The following CTNNA3 variants were observed in gnomAD, a reference collection of about 807,000 sequenced individuals.
CTNNA3 encodes the protein catenin alpha 3.
A neutral mutation model predicts 95.7 loss-of-function variants in CTNNA3; 76 were observed. The ratio of observed to expected loss-of-function variants is 0.79; its 90% CI spans 0.66 to 0.96. The LOEUF (loss-of-function observed/expected upper bound fraction) is 0.96. Among genes scored for constraint, CTNNA3 ranks in the 40% least tolerant of loss-of-function variants. The probability of loss-of-function intolerance (pLI) is 0.00; values close to 1 mark genes in which losing one functional copy is unlikely to be tolerated. For missense variants in CTNNA3, 1,191 were observed against 1,089.8 expected, an observed-to-expected ratio of 1.09 and a Z score of -1.31; for synonymous variants, 431 against 374.4, an observed-to-expected ratio of 1.15 and a Z score of -1.74.
intron 13 of CTNNA3, among the ~76,000 whole-genome samples, chr10:66,266,042 AGAGG>A (rs1197349483): frequency 2.3e-5 from 3 of 127,694 alleles, no homozygotes; most frequent in African/African-American, 4.6e-5. Flanking sequence ...AAGGAGGGAG[AGAGG>A]GAGGGAGGGA....
chr10:67,024,076 T>G (rs932312461), intron 7 of CTNNA3, among the ~76,000 whole-genome samples: 1 of 152,194 alleles, frequency 6.6e-6, no homozygotes, highest in African/African-American at 2.4e-5. Context: ...AAGTCCAAAA[T>G]CAGCCTCACT....
intron 15 of CTNNA3, among the ~76,000 whole-genome samples, chr10:66,003,918 C>T (rs1158852778): frequency 1.3e-5 from 2 of 152,214 alleles, no homozygotes; most frequent in South Asian, 2.1e-4. Flanking sequence ...CATGGACATG[C>T]CCATAATTGC....
chr10:66,709,705 T>C (rs1412606149), intron 9 of CTNNA3, among the ~76,000 whole-genome samples: 1 of 152,144 alleles, frequency 6.6e-6, no homozygotes, highest in Non-Finnish European at 1.5e-5. Flanking sequence ...TCAACTAGTA[T>C]ATTTGTTCTT....
intron 10 of CTNNA3, among the ~76,000 whole-genome samples, chr10:66,526,465 G>A (rs761324068): frequency 6.6e-6 from 1 of 152,178 alleles, no homozygotes; most frequent in African/African-American, 2.4e-5. Flanking sequence ...GGGATTCCAG[G>A]CGTGAGCCAC....
chr10:66,597,543 TA>T (rs1564558006), intron 10 of CTNNA3, among the ~76,000 whole-genome samples: 29 of 130,230 alleles, frequency 2.2e-4, no homozygotes, highest in East Asian at 2.0e-3. Context: ...TATATATATA[TA>T]TATATATATA....
chr10:66,065,713 T>C (rs948897912), intron 15 of CTNNA3, among the ~76,000 whole-genome samples: 1 of 152,120 alleles, frequency 6.6e-6, no homozygotes, highest in African/African-American at 2.4e-5. Context: ...AAAGCTTCTG[T>C]TCCTCATGGC....
At chr10:67,439,110 T>G (rs1240731438) in intron 5 of CTNNA3, among the ~76,000 whole-genome samples, 2 of 152,054 alleles carry the variant, frequency 1.3e-5, no homozygotes, top group East Asian at 1.9e-4. Flanking sequence ...CAGGCAGCCC[T>G]GCTCGCAGAA....
At chr10:67,394,278 G>A (rs1009977085) in intron 5 of CTNNA3, among the ~76,000 whole-genome samples, 5 of 150,848 alleles carry the variant, frequency 3.3e-5, no homozygotes, top group African/African-American at 1.2e-4. Context: ...CAATAATGGA[G>A]CATGAATAGA....
intron 12 of CTNNA3, among the ~76,000 whole-genome samples, chr10:66,312,518 A>G (rs1460756754): frequency 6.6e-6 from 1 of 151,184 alleles, no homozygotes; most frequent in African/African-American, 2.4e-5. Flanking sequence ...AGAGGGTTAT[A>G]AACCTTAGAA....
intron 7 of CTNNA3, among the ~76,000 whole-genome samples, chr10:66,850,225 T>C (rs1017456732): frequency 1.3e-5 from 2 of 152,140 alleles, no homozygotes; most frequent in Admixed American, 6.6e-5. Context: ...TTCCCTGTTG[T>C]TTTAAATCTT....
chr10:67,608,786 A>G (rs948616333), intron 2 of CTNNA3, among the ~76,000 whole-genome samples: 6 of 152,136 alleles, frequency 3.9e-5, no homozygotes, highest in African/African-American at 1.2e-4. Flanking sequence ...ACTGAATTAC[A>G]TTATTAAAAA....
intron 12 of CTNNA3, among the ~76,000 whole-genome samples, chr10:66,367,433 A>G (rs2092717798): frequency 6.6e-6 from 1 of 151,288 alleles, no homozygotes; most frequent in African/African-American, 2.4e-5. Flanking sequence ...TGTTATATAT[A>G]TAATACATAC....
At chr10:67,752,986 G>A (rs1475070162) in intron 1 of CTNNA3, among the ~76,000 whole-genome samples, 1 of 151,992 alleles carries the variant, frequency 6.6e-6, no homozygotes. Context: ...AAATTCTTAT[G>A]GAACCAAAAA....
chr10:66,214,494 G>A (rs900707696), intron 13 of CTNNA3, among the ~76,000 whole-genome samples: 1 of 152,072 alleles, frequency 6.6e-6, no homozygotes, highest in Non-Finnish European at 1.5e-5. Context: ...TAGGCTGCCT[G>A]GACAATTCAA....
chr10:66,572,879 A>G, intron 10 of CTNNA3, among the ~76,000 whole-genome samples: 1 of 152,158 alleles, frequency 6.6e-6, no homozygotes, highest in South Asian at 2.1e-4. Context: ...TGCAAATATC[A>G]GTCTTGCAAA....
chr10:66,104,436 A>G (rs368963818), intron 13 of CTNNA3, among the ~76,000 whole-genome samples: 3 of 152,296 alleles, frequency 2.0e-5, no homozygotes, highest in African/African-American at 7.2e-5. Flanking sequence ...ACAAGGTCTC[A>G]ACTTAATATA....
At chr10:66,943,399 C>T (rs1235095906) in intron 7 of CTNNA3, among the ~76,000 whole-genome samples, 1 of 151,966 alleles carries the variant, frequency 6.6e-6, no homozygotes. Flanking sequence ...CTGACTATAC[C>T]ACTCAAAAAG....
At chr10:67,694,215 T>G (rs1253562753) in intron 1 of CTNNA3, among the ~76,000 whole-genome samples, 2 of 152,182 alleles carry the variant, frequency 1.3e-5, no homozygotes, top group Admixed American at 6.5e-5. Context: ...TATTTTCAAC[T>G]CTGACATGTA....
At chr10:66,882,050 T>C (rs550137684) in intron 7 of CTNNA3, among the ~76,000 whole-genome samples, 101 of 152,234 alleles carry the variant, frequency 6.6e-4, no homozygotes, top group Non-Finnish European at 1.1e-3. Context: ...ATTAGGTCAC[T>C]GGCATTTTCC....
Sources: gnomAD v4.1 joint callset for allele counts (sites outside exome capture counted in the v4.1 genomes callset) on GRCh38, gnomAD v4.1.1 for gene constraint, MANE v1.5 for transcripts, NCBI Gene and HGNC (gene_info 2026-07-23, HGNC 2026-07-21) for gene names.